GALNT1: variants seen among roughly 807,000 people sequenced by gnomAD.
The protein encoded by GALNT1 is polypeptide N-acetylgalactosaminyltransferase 1.
GALNT1 carries 17 observed loss-of-function variants against 65.7 expected under a neutral mutation model. That is an observed-to-expected ratio of 0.26 (90% CI 0.18 to 0.39). GALNT1 has a LOEUF of 0.39. Among genes scored for constraint, GALNT1 ranks in the 10% least tolerant of loss-of-function variants. The probability of loss-of-function intolerance (pLI) is 1.00; values close to 1 mark genes in which losing one functional copy is unlikely to be tolerated. For synonymous variants in GALNT1, 210 were observed against 219.7 expected, an observed-to-expected ratio of 0.96 and a Z score of 0.39; for missense variants, 460 against 672.8, an observed-to-expected ratio of 0.68 and a Z score of 3.50.
intron 11 of GALNT1, among the ~76,000 whole-genome samples, chr18:35,708,488 C>T (rs2048302513): frequency 6.6e-6 from 1 of 152,080 alleles, no homozygotes; most frequent in South Asian, 2.1e-4. Flanking sequence ...GCAAAAAAGG[C>T]CTCATGAAAA....
intron 1 of GALNT1, among the ~76,000 whole-genome samples, chr18:35,649,968 G>A (rs747586114): frequency 9.2e-5 from 14 of 152,246 alleles, no homozygotes; most frequent in South Asian, 6.2e-4. Context: ...TTGCTGTGCC[G>A]AAGATTCCCA....
intron 1 of GALNT1, among the ~76,000 whole-genome samples, chr18:35,654,319 C>T (rs1488756517): frequency 6.6e-6 from 1 of 151,912 alleles, no homozygotes; most frequent in East Asian, 1.9e-4. Context: ...ACCTATTTTC[C>T]TATTGGATTG....
chr18:35,645,218 G>GTTTTTTT (rs1166987925), intron 1 of GALNT1, among the ~76,000 whole-genome samples: 4 of 54,366 alleles, frequency 7.4e-5, no homozygotes, highest in Admixed American at 2.6e-4. Flanking sequence ...TATTTTGAAT[G>GTTTTTTT]TTTTTTTTTT....
At chr18:35,664,731 C>T (rs780897605) in intron 3 of GALNT1, among the ~76,000 whole-genome samples, 1 of 152,142 alleles carries the variant, frequency 6.6e-6, no homozygotes, top group Non-Finnish European at 1.5e-5. Context: ...ACCATAGGCC[C>T]AGTTAAAAGC....
chr18:35,590,354 G>T (rs2046428932), intron 1 of GALNT1, among the ~76,000 whole-genome samples: 1 of 152,152 alleles, frequency 6.6e-6, no homozygotes, highest in African/African-American at 2.4e-5. Flanking sequence ...TCTAATGTTA[G>T]AGAACATATG....
intron 1 of GALNT1, among the ~76,000 whole-genome samples, chr18:35,636,945 T>C (rs58022161): frequency 0.016 from 2,412 of 152,286 alleles, 31 homozygotes; most frequent in African/African-American, 0.028. Context: ...TTCATTATTA[T>C]ATCTGTTGTG....
chr18:35,598,642 T>G (rs2046536984), intron 1 of GALNT1, among the ~76,000 whole-genome samples: 1 of 152,210 alleles, frequency 6.6e-6, no homozygotes, highest in Non-Finnish European at 1.5e-5. Flanking sequence ...GATGGATGCT[T>G]AGGTTGATTC....
chr18:35,648,125 A>G (rs1598794590), intron 1 of GALNT1, among the ~76,000 whole-genome samples: 1 of 100,374 alleles, frequency 1.0e-5, no homozygotes, highest in Non-Finnish European at 1.9e-5. Context: ...GGAAAGAGGG[A>G]GGGAAGGAAG....
chr18:35,597,999 CTCCCCTCCCCTCCCCTCCCCTCCAA>C (rs1427188882), intron 1 of GALNT1, among the ~76,000 whole-genome samples: 8 of 61,108 alleles, frequency 1.3e-4, no homozygotes, highest in Non-Finnish European at 3.0e-4. Context: ...CTCCCCTCCC[CTCCCCTCCCCTCCCCTCCCCTCCAA>C]TCCCCTCCCA....
intron 1 of GALNT1, among the ~76,000 whole-genome samples, chr18:35,599,017 T>C (rs1454442896): frequency 6.8e-6 from 1 of 147,060 alleles, no homozygotes; most frequent in East Asian, 2.1e-4. Flanking sequence ...TTCATGTACG[T>C]GTTGGCTATT....
Position 35,581,753 on chromosome 18 carries a change from C to CA in GALNT1, c.-213_-212insA, listed in dbSNP as rs1568009819. 7.0e-6 allele frequency: 1 copy of CA among 142,610 alleles called. No individual in the cohort carries two copies. The highest frequency in any genetic ancestry group is 1.5e-5 in the Non-Finnish European group (1 of 64,776). The allele number at this position is 142,610 out of a possible 1,614,324, so 8.8% of individuals were successfully genotyped here. Reference sequence around the variant, plus strand: ...GGAGCCGCCGGCAGTGGCCGAGGAGCGCGCGGCGGACGGCGGCCCGAGAGT... The same window carrying CA: ...GGAGCCGCCGGCAGTGGCCGAGGAGCAGCGCGGCGGACGGCGGCCCGAGAGT... On this transcript the variant is annotated 5_prime_UTR_variant, in exon 1 of 12. Transcript: ENST00000269195.
At chr18:35,706,731 G>A (rs1005049840) in intron 11 of GALNT1, among the ~76,000 whole-genome samples, 2 of 152,080 alleles carry the variant, frequency 1.3e-5, no homozygotes, top group African/African-American at 4.8e-5. Context: ...CTGGGCAGAG[G>A]GAGAAGTTGA....
At chr18:35,586,025 G>GT (rs985747391) in intron 1 of GALNT1, among the ~76,000 whole-genome samples, 3 of 152,130 alleles carry the variant, frequency 2.0e-5, no homozygotes, top group African/African-American at 7.2e-5. Flanking sequence ...TGCATGTTTA[G>GT]TTTTTTAAAA....
rs182378100 is a variant in GALNT1 at position 35,601,600 on chromosome 18, C to T, written c.-104+19738C>T. On this transcript the variant is annotated intron_variant, in intron 1 of 11. Coordinates refer to ENST00000269195, the MANE Select transcript of GALNT1 (RefSeq NM_020474.4). ...TATAAATATCCCATAGATTTTGATACGTTGTGTATCCTCATTATTGATTTC... is the reference window on the plus strand; with the variant it reads ...TATAAATATCCCATAGATTTTGATATGTTGTGTATCCTCATTATTGATTTC... Among the ~76,000 whole-genome samples, 505 of 152,046 alleles carry T rather than the reference C, an allele frequency of 3.3e-3. 4 individuals carry two copies. Among genetic ancestry groups the T allele is most frequent in the Non-Finnish European group, 3.6e-3 (246 of 67,940 alleles).
At chr18:35,636,988 A>ATTT (rs2144255756) in intron 1 of GALNT1, among the ~76,000 whole-genome samples, 1 of 151,902 alleles carries the variant, frequency 6.6e-6, no homozygotes, top group East Asian at 1.9e-4. Flanking sequence ...TGTTGTTATT[A>ATTT]TTGTAATCAT....
chr18:35,689,575 T>C (rs1461581237), intron 7 of GALNT1, among the ~76,000 whole-genome samples: 2 of 152,176 alleles, frequency 1.3e-5, no homozygotes, highest in Non-Finnish European at 2.9e-5. Context: ...CTCTAAAAGC[T>C]AATATATAGT....
At chr18:35,689,311 T>G (rs770865666) in intron 7 of GALNT1, 21 bp downstream of exon 7, 1 of 1,342,624 alleles carries the variant, frequency 7.4e-7, no homozygotes, top group East Asian at 2.3e-5. Context: ...TTAAAAAAAT[T>G]TAATCTTTTA....
intron 1 of GALNT1, among the ~76,000 whole-genome samples, chr18:35,605,597 CT>C (rs201950843): frequency 6.6e-6 from 1 of 151,522 alleles, no homozygotes; most frequent in Admixed American, 6.6e-5. Flanking sequence ...CTTTTTCTTC[CT>C]TTTTTTAACA....
intron 3 of GALNT1, among the ~76,000 whole-genome samples, chr18:35,675,215 T>A (rs2047693781): frequency 6.6e-6 from 1 of 152,108 alleles, no homozygotes; most frequent in African/African-American, 2.4e-5. Flanking sequence ...AAGGGCTCTT[T>A]GGTTCTTCTC....
Sources: allele counts gnomAD v4.1 joint callset (sites outside exome capture counted in the v4.1 genomes callset), GRCh38; gene constraint gnomAD v4.1.1; transcripts MANE v1.5; gene names NCBI Gene and HGNC (gene_info 2026-07-23, HGNC 2026-07-21).